TRDN: variants seen among roughly 807,000 people sequenced by gnomAD.
TRDN encodes the protein triadin in skeletal muscle.
TRDN carries 161 observed loss-of-function variants against 149.7 expected under a neutral mutation model. That is an observed-to-expected ratio of 1.08 (90% CI 0.95 to 1.23). The LOEUF is 1.23. Ranked by LOEUF, TRDN falls within the 50% of genes most tolerant of loss-of-function variation. The pLI, the probability that TRDN is intolerant of heterozygous loss-of-function variation, is 0.00. For synonymous variants in TRDN, 294 were observed against 250.5 expected (o/e 1.17, Z -1.64); for missense variants, 896 against 823.5 (o/e 1.09, Z -1.08).
At chr6:123,254,406 C>G (rs1378335923) in intron 37 of TRDN, among the ~76,000 whole-genome samples, 4 of 151,950 alleles carry the variant, frequency 2.6e-5, no homozygotes, top group African/African-American at 9.7e-5. Context: ...AGCTTTTTCT[C>G]TCCCTACTAG....
intron 4 of TRDN, among the ~76,000 whole-genome samples, chr6:123,537,544 A>G (rs1780613831): frequency 6.6e-6 from 1 of 152,198 alleles, no homozygotes; most frequent in South Asian, 2.1e-4. Flanking sequence ...ACTCCAAGTG[A>G]AGATTCACTT....
chr6:123,238,944 G>C (rs1033638794), intron 38 of TRDN, among the ~76,000 whole-genome samples: 1 of 152,090 alleles, frequency 6.6e-6, no homozygotes, highest in Non-Finnish European at 1.5e-5. Context: ...GGGTTCAAGC[G>C]ATTCTCCTGC....
intron 10 of TRDN, among the ~76,000 whole-genome samples, chr6:123,446,318 G>A (rs1248537080): frequency 2.6e-5 from 4 of 151,888 alleles, no homozygotes; most frequent in Admixed American, 2.0e-4. Context: ...GCGCACCAGC[G>A]TGGCACATGT....
chr6:123,311,345 A>G (rs1783864671), intron 24 of TRDN, among the ~76,000 whole-genome samples: 1 of 151,956 alleles, frequency 6.6e-6, no homozygotes, highest in South Asian at 2.1e-4. Context: ...TCCATCCCTC[A>G]ACACATGAGG....
intron 4 of TRDN, among the ~76,000 whole-genome samples, chr6:123,544,637 TG>T (rs1018861736): frequency 6.6e-6 from 1 of 152,084 alleles, no homozygotes; most frequent in Non-Finnish European, 1.5e-5. Flanking sequence ...TAACAGTATT[TG>T]GTTTTCATAC....
At chr6:123,292,068 G>T (rs1039926818) in intron 24 of TRDN, among the ~76,000 whole-genome samples, 3 of 145,410 alleles carry the variant, frequency 2.1e-5, no homozygotes, top group Admixed American at 1.3e-4. Flanking sequence ...GAATTTTGGG[G>T]CTAGTGGGTA....
intron 24 of TRDN, among the ~76,000 whole-genome samples, chr6:123,292,324 G>A (rs1778038208): frequency 6.6e-6 from 1 of 152,106 alleles, no homozygotes; most frequent in Non-Finnish European, 1.5e-5. Context: ...GAGCGGAAGT[G>A]GGTGGACACT....
At chr6:123,394,235 C>T (rs538939981) in intron 12 of TRDN, among the ~76,000 whole-genome samples, 1 of 151,912 alleles carries the variant, frequency 6.6e-6, no homozygotes, top group Non-Finnish European at 1.5e-5. Context: ...TTTCTTCCCT[C>T]TTGTTCTAAG....
At chr6:123,495,792 A>T in intron 9 of TRDN, among the ~76,000 whole-genome samples, 1 of 152,056 alleles carries the variant, frequency 6.6e-6, no homozygotes, top group East Asian at 1.9e-4. Context: ...TTTTGTTTGT[A>T]GTCACTAGAT....
Position 123,370,913 on chromosome 6 carries a change from C to CTTT in TRDN, c.1273+4689_1273+4691dup, listed in dbSNP as rs58947175. 1.8e-3 allele frequency among the ~76,000 whole-genome samples: 231 copies of CTTT among 131,274 alleles called. 1 individual carries two copies. Among genetic ancestry groups the CTTT allele is most frequent in the African/African-American group, 5.7e-3 (200 of 35,372 alleles). The allele number at this position is 131,274 out of a possible 152,430, so 86.1% of individuals were successfully genotyped here. On this transcript the variant is annotated intron_variant, in intron 19 of 40. Transcript: ENST00000334268. Reference sequence around the variant, plus strand: ...GCCCATTGTCTATCAAGGTCTTTGTCTTTTTTTTTTTTAATTTTTGGAGTT... The same window carrying CTTT: ...GCCCATTGTCTATCAAGGTCTTTGTCTTTTTTTTTTTTTTTAATTTTTGGAGTT...
rs71574828 is a variant in TRDN, at chr6:123,484,690, C to T, written c.853+12503G>A. On this transcript the variant is annotated intron_variant, in intron 9 of 40. Coordinates refer to ENST00000334268, the MANE Select transcript of TRDN (RefSeq NM_006073.4). ...AGTGACAAAGCTAGACCAAAAAAGCCACTTTAAGGAAAGTTCTCTCAAAGC... is the reference window on the plus strand; with the variant it reads ...AGTGACAAAGCTAGACCAAAAAAGCTACTTTAAGGAAAGTTCTCTCAAAGC... Among the ~76,000 whole-genome samples the T allele has an allele frequency of 1.7e-3, 264 of 152,262 alleles. 3 individuals are homozygous for T. Among genetic ancestry groups the T allele is most frequent in the Non-Finnish European group, 8.1e-4 (55 of 68,004 alleles).
chr6:123,510,033 T>A (rs1779102798), intron 7 of TRDN: 1 of 152,134 alleles, frequency 6.6e-6, no homozygotes, highest in Admixed American at 6.6e-5. Context: ...ATTTCATACA[T>A]CTATCACATA....
At chr6:123,325,486 G>A (rs1779409368) in intron 23 of TRDN, among the ~76,000 whole-genome samples, 2 of 152,082 alleles carry the variant, frequency 1.3e-5, no homozygotes, top group African/African-American at 4.8e-5. Flanking sequence ...ACAATGACAT[G>A]AGTGAAGATG....
chr6:123,393,732 A>G (rs1004809112), intron 12 of TRDN, 55 bp from the exon 13 acceptor site: 17 of 1,514,938 alleles, frequency 1.1e-5, no homozygotes, highest in Non-Finnish European at 1.4e-5. Context: ...AAAAATATAT[A>G]AATAAAAAAG....
chr6:123,562,178 C>T (rs1174645396), intron 2 of TRDN, among the ~76,000 whole-genome samples: 1 of 152,156 alleles, frequency 6.6e-6, no homozygotes, highest in African/African-American at 2.4e-5. Flanking sequence ...AGAATAACCC[C>T]CCTTTGACTG....
intron 1 of TRDN, among the ~76,000 whole-genome samples, chr6:123,586,080 A>T (rs1285690477): frequency 6.6e-6 from 1 of 152,126 alleles, no homozygotes; most frequent in Non-Finnish European, 1.5e-5. Context: ...CGAGTCATGA[A>T]CTGGGCTGGG....
chr6:123,478,063 A>AT (rs1297266812), intron 9 of TRDN, among the ~76,000 whole-genome samples: 2 of 144,196 alleles, frequency 1.4e-5, no homozygotes, highest in Non-Finnish European at 3.1e-5. Context: ...TATAATAATA[A>AT]AAAAAAAGAA....
intron 9 of TRDN, among the ~76,000 whole-genome samples, chr6:123,479,165 T>A (rs1345199800): frequency 6.6e-6 from 1 of 152,142 alleles, no homozygotes; most frequent in East Asian, 1.9e-4. Context: ...CTTGGTAAAA[T>A]GTGAAATAGT....
chr6:123,425,226 G>A lies in TRDN; in HGVS notation c.1051+12837C>T, dbSNP rs530966470. 2.2e-5 allele frequency among the ~76,000 whole-genome samples: 3 copies of A among 137,222 alleles called. No homozygotes were observed. In the South Asian group the frequency reaches 7.6e-4, roughly 35 times the overall value. The allele number at this position is 137,222 out of a possible 152,430, so 90.0% of individuals were successfully genotyped here. On this transcript the variant is annotated intron_variant, in intron 12 of 40. Transcript: ENST00000334268. The stretch of plus-strand genomic sequence containing the variant: ...TACTGAGCATAGAGCCACATTCAGA[G>A]GTAGAGGTGTGTGTGTGTGTGTGTG...
Sources: gnomAD v4.1 joint callset for allele counts (sites outside exome capture counted in the v4.1 genomes callset) on GRCh38, gnomAD v4.1.1 for gene constraint, MANE v1.5 for transcripts, NCBI Gene and HGNC (gene_info 2026-07-23, HGNC 2026-07-21) for gene names.